MMP26: variants seen among roughly 807,000 people sequenced by gnomAD.
The protein encoded by MMP26 is matrix metalloproteinase-26.
A neutral mutation model predicts 31.0 loss-of-function variants in MMP26; 33 were observed. That is an observed-to-expected ratio of 1.06 (90% CI 0.81 to 1.42). MMP26 has a LOEUF of 1.42. Ranked by LOEUF, MMP26 falls within the 40% of genes most tolerant of loss-of-function variation. The pLI is 0.00. For synonymous variants in MMP26, 122 were observed against 114.9 expected (o/e 1.06, Z -0.40); for missense variants, 347 against 316.1 (o/e 1.10, Z -0.74).
At chr11:4,946,685 G>A (rs1346118868) in intron 2 of MMP26, 1 of 1,591,762 alleles carries the variant, frequency 6.3e-7, no homozygotes. Flanking sequence ...TCTGACAGTT[G>A]TCAGGATTGA....
intron 2 of MMP26, among the ~76,000 whole-genome samples, chr11:4,925,695 A>G (rs1028909190): frequency 2.6e-5 from 4 of 151,978 alleles, no homozygotes; most frequent in Non-Finnish European, 5.9e-5. Flanking sequence ...AAGGGGACAG[A>G]GAATGGAGAA....
chr11:4,939,479 C>T (rs1305705875), intron 2 of MMP26, among the ~76,000 whole-genome samples: 1 of 152,084 alleles, frequency 6.6e-6, no homozygotes, highest in East Asian at 1.9e-4. Context: ...AAAAGAGTGG[C>T]TATCTTTTCC....
chr11:4,707,677 T>C (rs1847798004), intron 1 of MMP26, among the ~76,000 whole-genome samples: 1 of 152,212 alleles, frequency 6.6e-6, no homozygotes, highest in Non-Finnish European at 1.5e-5. Flanking sequence ...TGTTGAAATA[T>C]GTTTTTATGA....
At chr11:4,754,302 T>C (rs946580206) in intron 1 of MMP26, among the ~76,000 whole-genome samples, 3 of 151,938 alleles carry the variant, frequency 2.0e-5, no homozygotes, top group Admixed American at 1.3e-4. Context: ...TTAATATTTA[T>C]TTCTTAATAA....
chr11:4,779,658 A>G (rs1239686428), intron 2 of MMP26, among the ~76,000 whole-genome samples: 25 of 152,096 alleles, frequency 1.6e-4, no homozygotes. Context: ...TCACATTTGA[A>G]TTTCTTTCTT....
chr11:4,796,151 T>C (rs1452616169), intron 2 of MMP26, among the ~76,000 whole-genome samples: 2 of 152,192 alleles, frequency 1.3e-5, no homozygotes, highest in Non-Finnish European at 2.9e-5. Flanking sequence ...TGTCTGTTGC[T>C]CTACAGCATC....
At chr11:4,872,862 AC>A (rs1352957688) in intron 2 of MMP26, among the ~76,000 whole-genome samples, 1 of 151,990 alleles carries the variant, frequency 6.6e-6, no homozygotes, top group Non-Finnish European at 1.5e-5. Flanking sequence ...TCCATGGTCT[AC>A]CACTATTATT....
chr11:4,754,689 G>T (rs1257556110), intron 1 of MMP26, among the ~76,000 whole-genome samples: 1 of 151,956 alleles, frequency 6.6e-6, no homozygotes, highest in African/African-American at 2.4e-5. Context: ...ATGGAAATTA[G>T]TTTGGCTATT....
chr11:4,863,777 G>A (rs995599233), intron 2 of MMP26: 5 of 152,056 alleles, frequency 3.3e-5, no homozygotes, highest in African/African-American at 9.7e-5. Flanking sequence ...TCCCATGAAC[G>A]GTGTTATGTA....
At chr11:4,937,492 T>G (rs1321556583) in intron 2 of MMP26, 2 of 153,016 alleles carry the variant, frequency 1.3e-5, no homozygotes, top group Non-Finnish European at 2.9e-5. Flanking sequence ...AGGAGACACA[T>G]CCCTGGCAAA....
intron 3 of MMP26, among the ~76,000 whole-genome samples, chr11:4,989,318 GA>G (rs1297883230): frequency 6.6e-6 from 1 of 152,182 alleles, no homozygotes; most frequent in Non-Finnish European, 1.5e-5. Flanking sequence ...AGAAAGACCA[GA>G]GGCCATCTTC....
intron 2 of MMP26, among the ~76,000 whole-genome samples, chr11:4,771,312 T>C (rs1397677527): frequency 6.6e-6 from 1 of 152,154 alleles, no homozygotes; most frequent in African/African-American, 2.4e-5. Flanking sequence ...GGACCATCAT[T>C]TGCACTGACA....
chr11:4,986,313 TTTC>T (rs1846886451), intron 2 of MMP26, among the ~76,000 whole-genome samples: 1 of 151,978 alleles, frequency 6.6e-6, no homozygotes, highest in African/African-American at 2.4e-5. Context: ...TAACAAATTC[TTTC>T]ATTATCTTCC....
chr11:4,975,876 T>A (rs538579068), intron 2 of MMP26, among the ~76,000 whole-genome samples: 2 of 152,222 alleles, frequency 1.3e-5, no homozygotes, highest in African/African-American at 4.8e-5. Context: ...TAGCTCTGCA[T>A]CATTTAATCA....
intron 2 of MMP26, among the ~76,000 whole-genome samples, chr11:4,898,451 G>A (rs1850746247): frequency 1.3e-5 from 2 of 151,918 alleles, no homozygotes; most frequent in South Asian, 2.1e-4. Context: ...CAAACATAAA[G>A]GGCTCATTCC....
At chr11:4,876,178 AT>A (rs1192511163) in intron 2 of MMP26, 1 of 152,172 alleles carries the variant, frequency 6.6e-6, no homozygotes, top group African/African-American at 2.4e-5. Flanking sequence ...CTTCATGGTT[AT>A]TGGTGTTCGT....
At chr11:4,759,654 A>G (rs527342141) in intron 1 of MMP26, among the ~76,000 whole-genome samples, 2 of 152,346 alleles carry the variant, frequency 1.3e-5, no homozygotes, top group South Asian at 2.1e-4. Flanking sequence ...CATTTGTACT[A>G]AAAGAGCTTA....
At chr11:4,838,355 A>AAAAAAAAAT (rs1849749214) in intron 2 of MMP26, among the ~76,000 whole-genome samples, 1 of 138,688 alleles carries the variant, frequency 7.2e-6, no homozygotes, top group East Asian at 2.1e-4. Context: ...AAAAAAAAAA[A>AAAAAAAAAT]AGTATGATAT....
At chr11:4,968,232 T>C (rs1184153116) in intron 2 of MMP26, among the ~76,000 whole-genome samples, 1 of 152,142 alleles carries the variant, frequency 6.6e-6, no homozygotes, top group Non-Finnish European at 1.5e-5. Context: ...CTTTATATGA[T>C]TGCTGAAATA....
Sources: allele counts gnomAD v4.1 joint callset (sites outside exome capture counted in the v4.1 genomes callset), GRCh38; gene constraint gnomAD v4.1.1; transcripts MANE v1.5; gene names NCBI Gene and HGNC (gene_info 2026-07-23, HGNC 2026-07-21).